The following DSCAML1 variants were observed in gnomAD, a reference collection of about 807,000 sequenced individuals.
DSCAML1 encodes cell adhesion molecule DSCAML1.
Under a neutral mutation model 200.5 loss-of-function variants are expected in DSCAML1, and 38 were observed. The observed-to-expected ratio is 0.19, with a 90% CI of 0.15 to 0.25. DSCAML1 has a LOEUF of 0.25. Among genes scored for constraint, DSCAML1 ranks in the 10% least tolerant of loss-of-function variants. DSCAML1 has a pLI of 1.00. For synonymous variants in DSCAML1, 1,215 were observed against 1,165.0 expected (o/e 1.04, Z -0.87); for missense variants, 2,223 against 2,858.8 (o/e 0.78, Z 5.07).
intron 5 of DSCAML1, among the ~76,000 whole-genome samples, chr11:117,522,165 T>C (rs559572218): frequency 2.0e-5 from 3 of 152,358 alleles, no homozygotes; most frequent in East Asian, 3.9e-4. Flanking sequence ...TAGAGCATTC[T>C]GTGCCTAATT....
At chr11:117,445,011 A>G (rs1349515556) in intron 20 of DSCAML1, among the ~76,000 whole-genome samples, 1 of 152,102 alleles carries the variant, frequency 6.6e-6, no homozygotes, top group Non-Finnish European at 1.5e-5. Flanking sequence ...GGCCAGAGGG[A>G]GCTAATAATT....
At chr11:117,627,132 A>G (rs1368945691) in intron 3 of DSCAML1, among the ~76,000 whole-genome samples, 1 of 152,220 alleles carries the variant, frequency 6.6e-6, no homozygotes, top group Non-Finnish European at 1.5e-5. Flanking sequence ...AGCTGGCCAC[A>G]TATTACAAGA....
At chr11:117,526,964 C>A (rs1192073666) in intron 4 of DSCAML1, among the ~76,000 whole-genome samples, 1 of 152,076 alleles carries the variant, frequency 6.6e-6, no homozygotes, top group Non-Finnish European at 1.5e-5. Context: ...ACAGTGAGAT[C>A]CCATGTCTAC....
At chr11:117,562,649 G>A (rs1483990218) in intron 3 of DSCAML1, among the ~76,000 whole-genome samples, 3 of 152,258 alleles carry the variant, frequency 2.0e-5, no homozygotes, top group Non-Finnish European at 4.4e-5. Flanking sequence ...AGCTCACAGA[G>A]TAGGCACCTT....
chr11:117,466,977 T>C (rs1240122188), intron 16 of DSCAML1, among the ~76,000 whole-genome samples: 1 of 151,966 alleles, frequency 6.6e-6, no homozygotes, highest in African/African-American at 2.4e-5. Flanking sequence ...TGGGGAATGG[T>C]GAAGGCTGAG....
intron 20 of DSCAML1, among the ~76,000 whole-genome samples, chr11:117,448,645 T>G (rs994089234): frequency 5.0e-3 from 345 of 68,808 alleles, no homozygotes; most frequent in African/African-American, 9.0e-3. Context: ...GTGTGGGGGG[T>G]GGGTAGAGTT....
chr11:117,810,047 ACT>A (rs530777269), intron 1 of DSCAML1, among the ~76,000 whole-genome samples: 155 of 151,796 alleles, frequency 1.0e-3, no homozygotes, highest in African/African-American at 3.3e-3. Context: ...ACACATTCAC[ACT>A]CACACACATT....
chr11:117,797,919 T>C (rs1328991392), upstream of DSCAML1, among the ~76,000 whole-genome samples: 1 of 152,234 alleles, frequency 6.6e-6, no homozygotes, highest in East Asian at 1.9e-4. Context: ...AATTGGCTTA[T>C]TCCTTACACT....
At chr11:117,728,763 T>C (rs2054174053) in intron 3 of DSCAML1, among the ~76,000 whole-genome samples, 1 of 152,152 alleles carries the variant, frequency 6.6e-6, no homozygotes, top group African/African-American at 2.4e-5. Flanking sequence ...CTGAAAACCA[T>C]AAAACATTAT....
chr11:117,724,707 G>A (rs2054094293), intron 3 of DSCAML1, among the ~76,000 whole-genome samples: 1 of 152,246 alleles, frequency 6.6e-6, no homozygotes, highest in African/African-American at 2.4e-5. Context: ...ATAACCCTTA[G>A]TGAATTGGAA....
intron 4 of DSCAML1, among the ~76,000 whole-genome samples, chr11:117,531,746 C>T (rs1052675842): frequency 1.3e-5 from 2 of 151,804 alleles, no homozygotes; most frequent in South Asian, 2.1e-4. Flanking sequence ...ATTAGCCGGG[C>T]GTGGTGGCGC....
At chr11:117,537,609 C>T (rs531575150) in intron 3 of DSCAML1, among the ~76,000 whole-genome samples, 18 of 152,272 alleles carry the variant, frequency 1.2e-4, no homozygotes, top group Admixed American at 2.6e-4. Context: ...ACTGGAAATA[C>T]GGTCTTTGCA....
intron 3 of DSCAML1, among the ~76,000 whole-genome samples, chr11:117,588,075 GAT>G (rs2051185488): frequency 1.3e-5 from 2 of 152,158 alleles, no homozygotes; most frequent in South Asian, 4.1e-4. Context: ...GCATGTTGGT[GAT>G]ATCAGTTCAT....
At chr11:117,594,369 G>A (rs1253954734) in intron 3 of DSCAML1, among the ~76,000 whole-genome samples, 1 of 152,232 alleles carries the variant, frequency 6.6e-6, no homozygotes, top group Non-Finnish European at 1.5e-5. Flanking sequence ...CAGTCACTCT[G>A]ACACCCAAGT....
intron 3 of DSCAML1, among the ~76,000 whole-genome samples, chr11:117,604,647 A>G (rs2051529581): frequency 6.6e-6 from 1 of 152,236 alleles, no homozygotes; most frequent in African/African-American, 2.4e-5. Context: ...TTGTTCACAG[A>G]CATCTTTCCC....
chr11:117,439,208 C>A lies in DSCAML1; in HGVS notation c.4144+58G>T. 2.5e-6 allele frequency: 4 copies of A among 1,593,412 alleles called. No homozygotes were observed. The South Asian group carries it at 4.6e-5, about 18-fold the overall frequency. ...CGATGACCCTCTCGCATGATGGAAT[C>A]CCTACCCTTTCTCCATCCCTGTCCC... On this transcript the variant is annotated intron_variant, in intron 23 of 32. Coordinates refer to ENST00000651296, the MANE Select transcript of DSCAML1 (RefSeq NM_020693.4).
chr11:117,430,743 T>C lies in DSCAML1; in HGVS notation c.5665A>G (p.Ile1889Val), dbSNP rs1273559837. ...TCACTCTTGTTGGCCCGGTGAGGGA[T>C]GGGCACAGCCACGTTTTTGCCCCGG... ...ADRGKNVAVP[I>V]PHRANKSDYC... Residue 1889 changes from isoleucine to valine, a missense_variant, in exon 32 of 33, where the codon ATC becomes GTC. Ile to Val is a conservative substitution (Grantham distance 29). Transcript: ENST00000651296. 6.2e-7 allele frequency: 1 copy of C among 1,613,330 alleles called. No individual in the cohort carries two copies. The highest frequency in any genetic ancestry group is 1.7e-5 in the Admixed American group (1 of 60,010).
At chr11:117,700,112 T>C (rs1479160725) in intron 3 of DSCAML1, among the ~76,000 whole-genome samples, 2 of 152,230 alleles carry the variant, frequency 1.3e-5, no homozygotes, top group Non-Finnish European at 2.9e-5. Context: ...TTCAGAAGCC[T>C]GGCCAGATTC....
In DSCAML1 at chr11:117,485,104, G is replaced by A. The variant is rs556550330; in HGVS notation, c.2360-2942C>T. ...CTCTGGCTGGGTGCTGCCTGGTGCC[G>A]GGAGCCACAGCTTGGCCAATGAAGC... On this transcript the variant is annotated intron_variant, in intron 11 of 32. Coordinates refer to ENST00000651296, the MANE Select transcript of DSCAML1 (RefSeq NM_020693.4). Among the ~76,000 whole-genome samples, 20 of 152,236 alleles carry A rather than the reference G, an allele frequency of 1.3e-4. No individual in the cohort carries two copies. In the East Asian group the frequency reaches 3.7e-3, roughly 28 times the overall value.
Sources: allele counts gnomAD v4.1 joint callset (sites outside exome capture counted in the v4.1 genomes callset), GRCh38; gene constraint gnomAD v4.1.1; transcripts MANE v1.5; gene names NCBI Gene and HGNC (gene_info 2026-07-23, HGNC 2026-07-21).